The following TMX2 variants were observed in gnomAD, a reference collection of about 807,000 sequenced individuals.
TMX2 encodes the protein thioredoxin related transmembrane protein 2.
A neutral mutation model predicts 33.4 loss-of-function variants in TMX2; 20 were observed. That is an observed-to-expected ratio of 0.60 (90% CI 0.42 to 0.87). The LOEUF is 0.87. Ranked by LOEUF, TMX2 falls within the 40% of genes least tolerant of loss-of-function variation. The pLI, the probability that TMX2 is intolerant of heterozygous loss-of-function variation, is 0.00. For synonymous variants in TMX2, 166 were observed against 140.7 expected (o/e 1.18, Z -1.27); for missense variants, 340 against 370.7 (o/e 0.92, Z 0.68).
At chr11:57,733,370 C>G (rs955184516) in intron 1 of TMX2, among the ~76,000 whole-genome samples, 1 of 150,798 alleles carries the variant, frequency 6.6e-6, no homozygotes, top group East Asian at 2.0e-4. Context: ...ATTCTCCTGC[C>G]TTAGCCTCCT....
At position 57,737,994 on chromosome 11, in the gene TMX2, G is replaced by T; in HGVS notation, c.332G>T (p.Arg111Leu). The T allele has an allele frequency of 6.2e-7, 1 of 1,613,466 alleles. No individual in the cohort carries two copies. The highest frequency in any genetic ancestry group is 8.5e-7 in the Non-Finnish European group (1 of 1,179,876). Residue 111 changes from arginine (R) to leucine (L), a missense_variant, in exon 3 of 8, where the codon CGC becomes CTC. Physicochemically the swap from Arg to Leu is moderately radical, Grantham distance 102. Transcript: ENST00000278422. ...NTILFFRLDI[R>L]MGLLYITLCI... ...ATTCTTTTCTTCCGCTTGGATATTC[G>T]CATGGGCCTACTTTACATCACACTC...
chr11:57,718,550 C>CTGG, intron 1 of TMX2: 1 of 655,914 alleles, frequency 1.5e-6, no homozygotes, highest in Non-Finnish European at 2.8e-6. Context: ...TACAGGGCTC[C>CTGG]TGGTGGTGGC....
chr11:57,738,485 TTGTGCTC>T, intron 4 of TMX2, 55 bp downstream of exon 4: 11 of 1,410,324 alleles, frequency 7.8e-6, no homozygotes, highest in Non-Finnish European at 1.1e-5. Flanking sequence ...GATTTTGTAG[TTGTGCTC>T]TCCATTCACT....
intron 1 of TMX2, among the ~76,000 whole-genome samples, chr11:57,735,052 C>G (rs1249955779): frequency 6.6e-6 from 1 of 151,616 alleles, no homozygotes; most frequent in East Asian, 2.0e-4. Flanking sequence ...ATCGGTTGAA[C>G]CTGGGAGGCG....
chr11:57,738,319 TTA>T, intron 3 of TMX2, 33 bp from the exon 4 acceptor site: 1 of 1,504,844 alleles, frequency 6.6e-7, no homozygotes, highest in Non-Finnish European at 9.2e-7. Flanking sequence ...GTAAGGCTTT[TTA>T]TGTTTCCTTC....
chr11:57,740,495 C>T lies in TMX2; in HGVS notation c.*250C>T. ...CATAGGACGGAGGGGGAAATGGTTT[C>T]CCTCCAAGCTTGGGTCAGTGTGTTA... On this transcript the variant is annotated 3_prime_UTR_variant, in exon 8 of 8. Coordinates refer to ENST00000278422, the MANE Select transcript of TMX2 (RefSeq NM_015959.4). The T allele has an allele frequency of 2.4e-6, 1 of 424,598 alleles. No homozygotes were observed. The highest frequency in any genetic ancestry group is 4.2e-6 in the Non-Finnish European group (1 of 239,264). The allele number at this position is 424,598 out of a possible 1,614,324, so 26.3% of individuals were successfully genotyped here. A position where few individuals can be genotyped will look rare whatever the true frequency, so the allele number is the denominator to read the frequency against.
intron 1 of TMX2, among the ~76,000 whole-genome samples, chr11:57,733,861 C>A (rs72929805): frequency 1.8e-4 from 27 of 152,112 alleles, no homozygotes; most frequent in Admixed American, 1.8e-3. Flanking sequence ...CATCATCCAG[C>A]CAGCAAATGA....
chr11:57,734,144 G>C (rs1169713512), intron 1 of TMX2, among the ~76,000 whole-genome samples: 3 of 109,248 alleles, frequency 2.7e-5, no homozygotes, highest in African/African-American at 6.9e-5. Context: ...GGGTGACAGA[G>C]AGACCCTGTC....
chr11:57,738,684 G>C lies in TMX2; in HGVS notation c.462G>C (p.Lys154Asn). The change falls in exon 5 of 8, where the codon AAG (lysine) becomes AAC (asparagine). Residue 154 changes from lysine to asparagine, a missense_variant. Physicochemically the swap from Lys to Asn is moderately conservative, Grantham distance 94. This residue lies in a region of TMX2 where 209 missense variants were observed against 241.6 expected (regional missense o/e 0.87). Transcript: ENST00000278422. ...KTIDEELERDKRVTWIVEFFA... is the reference protein window; with the variant it reads ...KTIDEELERDNRVTWIVEFFA... The stretch of plus-strand genomic sequence containing the variant: ...GGCAGGAGGAACTAGAACGGGACAA[G>C]AGGGTCACTTGGATTGTGGAGTTCT... 6.2e-7 allele frequency: 1 copy of C among 1,613,946 alleles called. No individual in the cohort carries two copies. Among genetic ancestry groups the C allele is most frequent in the Non-Finnish European group, 8.5e-7 (1 of 1,180,020 alleles).
chr11:57,737,780 T>G, intron 2 of TMX2, 112 bp downstream of exon 2: 6 of 1,589,004 alleles, frequency 3.8e-6, no homozygotes, highest in Non-Finnish European at 5.2e-6. Context: ...TACGTTTAAT[T>G]CCAAGGCTGA....
chr11:57,730,164 G>A (rs917655970), intron 1 of TMX2, among the ~76,000 whole-genome samples: 1 of 150,024 alleles, frequency 6.7e-6, no homozygotes, highest in African/African-American at 2.5e-5. Context: ...GGTGCCTCAC[G>A]CCTGTAATCC....
intron 1 of TMX2, among the ~76,000 whole-genome samples, chr11:57,716,516 C>G (rs1268605712): frequency 2.5e-5 from 3 of 121,926 alleles, no homozygotes; most frequent in Admixed American, 8.0e-5. Flanking sequence ...GTAGGGGCGG[C>G]CGGGCAGAGG....
At chr11:57,734,160 A>C (rs1948592993) in intron 1 of TMX2, among the ~76,000 whole-genome samples, 2 of 48,700 alleles carry the variant, frequency 4.1e-5, no homozygotes, top group East Asian at 2.5e-3. Context: ...CTGTCTCCAA[A>C]AAAAAAAAAA....
intron 3 of TMX2, 117 bp from the exon 4 acceptor site, chr11:57,738,237 C>A: frequency 1.2e-6 from 1 of 814,970 alleles, no homozygotes; most frequent in South Asian, 1.6e-5. Context: ...TGTTGGTGGT[C>A]TACATATATC....
chr11:57,740,005 C>G (rs1948993192), intron 7 of TMX2, 94 bp from the exon 8 acceptor site: 1 of 1,571,556 alleles, frequency 6.4e-7, no homozygotes, highest in African/African-American at 1.4e-5. Context: ...TTACTCCTTC[C>G]TTTCCCAGAC....
intron 1 of TMX2, among the ~76,000 whole-genome samples, chr11:57,723,406 C>T (rs1947763709): frequency 6.6e-6 from 1 of 151,416 alleles, no homozygotes. Flanking sequence ...TTGCTTGAAC[C>T]CGGGAGGCGG....
chr11:57,726,554 T>G (rs994311653), intron 1 of TMX2, among the ~76,000 whole-genome samples: 1 of 152,148 alleles, frequency 6.6e-6, no homozygotes, highest in Non-Finnish European at 1.5e-5. Flanking sequence ...CCTAAAACAA[T>G]TGACTATAAG....
intron 7 of TMX2, 67 bp from the exon 8 acceptor site, chr11:57,740,032 C>T: frequency 6.2e-7 from 1 of 1,606,406 alleles, no homozygotes; most frequent in Non-Finnish European, 8.5e-7. Flanking sequence ...TAAAATACCT[C>T]TTACTTCCCA....
chr11:57,713,683 G>A (rs7116341), intron 1 of TMX2, among the ~76,000 whole-genome samples: 38,020 of 152,142 alleles, frequency 0.25, 5,566 homozygotes, highest in Non-Finnish European at 0.33. Flanking sequence ...ATAGCATGAG[G>A]GAATTGCAGG....
Sources: allele counts gnomAD v4.1 joint callset (sites outside exome capture counted in the v4.1 genomes callset), GRCh38; gene constraint gnomAD v4.1.1; regional missense constraint gnomAD v4.1.1; transcripts MANE v1.5; gene names NCBI Gene and HGNC (gene_info 2026-07-23, HGNC 2026-07-21).